The following PCDHGA2 variants were observed in gnomAD, a reference collection of about 807,000 sequenced individuals.
PCDHGA2 encodes the protein protocadherin gamma subfamily A, 2, also known as protocadherin gamma-A2.
Under a neutral mutation model 59.2 loss-of-function variants are expected in PCDHGA2, and 40 were observed. The observed-to-expected ratio is 0.68, with a 90% CI of 0.52 to 0.88. The LOEUF (loss-of-function observed/expected upper bound fraction) is 0.88. Ranked by LOEUF, PCDHGA2 falls within the 40% of genes least tolerant of loss-of-function variation. The pLI, the probability that PCDHGA2 is intolerant of heterozygous loss-of-function variation, is 0.00. For missense variants in PCDHGA2, 1,226 were observed against 1,204.0 expected (o/e 1.02, Z -0.27); for synonymous variants, 560 against 526.0 (o/e 1.06, Z -0.89).
chr5:141,357,279 C>T lies in PCDHGA2; in HGVS notation c.2424+15884C>T, dbSNP rs139727169. 6.8e-6 allele frequency: 11 copies of T among 1,613,878 alleles called. No individual in the cohort carries two copies. The East Asian group carries it at 2.2e-4, about 33-fold the overall frequency. ...ACGACTCGGGCCTCACACTCTATCT[C>T]GTGGTGGCAGTGGCCGCTGTCTCCT... On this transcript the variant is annotated intron_variant, in intron 1 of 3. Coordinates refer to ENST00000394576, the MANE Select transcript of PCDHGA2 (RefSeq NM_018915.4).
chr5:141,430,399 T>C (rs2097282187), intron 1 of PCDHGA2, among the ~76,000 whole-genome samples: 1 of 150,106 alleles, frequency 6.7e-6, no homozygotes, highest in African/African-American at 2.4e-5. Flanking sequence ...AAAAAAAAGC[T>C]CACTAAAGTT....
chr5:141,366,653 T>TACGCAGAC (rs781417459), intron 1 of PCDHGA2: 2 of 1,614,240 alleles, frequency 1.2e-6, no homozygotes, highest in East Asian at 4.5e-5. Context: ...CCAGCCCAAC[T>TACGCAGAC]ACGCAGACAC....
intron 1 of PCDHGA2, chr5:141,388,574 T>C (rs372294800): frequency 6.2e-7 from 1 of 1,613,724 alleles, no homozygotes; most frequent in East Asian, 2.2e-5. Flanking sequence ...AGATACACGT[T>C]CTAGTGACTG....
chr5:141,388,657 G>C (rs769160604), intron 1 of PCDHGA2: 2 of 1,613,878 alleles, frequency 1.2e-6, no homozygotes, highest in African/African-American at 1.3e-5. Flanking sequence ...GTGTACCCGG[G>C]GACCACGGTG....
chr5:141,440,328 T>G (rs1311315077), intron 1 of PCDHGA2: 1 of 152,102 alleles, frequency 6.6e-6, no homozygotes. Context: ...TTACTGGGCA[T>G]GGTGGTGCAG....
chr5:141,409,474 C>T, intron 1 of PCDHGA2: 1 of 1,614,002 alleles, frequency 6.2e-7, no homozygotes, highest in Non-Finnish European at 8.5e-7. Flanking sequence ...CCATCGTAGC[C>T]ACTGACAGGG....
At chr5:141,385,831 G>A (rs1317215192) in intron 1 of PCDHGA2, 1 of 154,298 alleles carries the variant, frequency 6.5e-6, no homozygotes, top group Non-Finnish European at 1.4e-5. Flanking sequence ...CCTATTTACA[G>A]TATAATCATT....
intron 1 of PCDHGA2, chr5:141,427,440 G>C (rs747459662): frequency 4.2e-6 from 2 of 477,366 alleles, no homozygotes; most frequent in African/African-American, 2.0e-5. Flanking sequence ...CCTCATAAAC[G>C]AAAGAGTTCC....
At chr5:141,445,020 C>T (rs2098454249) in intron 1 of PCDHGA2, among the ~76,000 whole-genome samples, 1 of 152,130 alleles carries the variant, frequency 6.6e-6, no homozygotes, top group Non-Finnish European at 1.5e-5. Flanking sequence ...TTTAATTTCT[C>T]TCAGCTATGT....
intron 1 of PCDHGA2, chr5:141,468,330 C>CAAAAAAAAAAAAAAAAGAAAAAAAAAAA (rs2099163578): frequency 1.3e-5 from 1 of 79,888 alleles, no homozygotes; most frequent in African/African-American, 3.9e-5. Flanking sequence ...AACTCCATCT[C>CAAAAAAAAAAAAAAAAGAAAAAAAAAAA]AAAAAAAAAA....
intron 1 of PCDHGA2, among the ~76,000 whole-genome samples, chr5:141,347,165 T>TTCTTTCTTTCTTTCTTTCTTTCTC (rs1757917255): frequency 6.8e-6 from 1 of 147,328 alleles, no homozygotes; most frequent in Admixed American, 6.8e-5. Flanking sequence ...CTTTCTTTCT[T>TTCTTTCTTTCTTTCTTTCTTTCTC]TCTTTCTTTC....
intron 1 of PCDHGA2, chr5:141,350,551 T>A: frequency 1.2e-6 from 2 of 1,614,040 alleles, no homozygotes; most frequent in Non-Finnish European, 1.7e-6. Flanking sequence ...GAAGGAAACT[T>A]GAGTGTGCAC....
At chr5:141,495,379 C>T (rs989240656) in intron 2 of PCDHGA2, among the ~76,000 whole-genome samples, 3 of 152,208 alleles carry the variant, frequency 2.0e-5, no homozygotes, top group Non-Finnish European at 4.4e-5. Context: ...TGAGGAAGGA[C>T]TGGGCGGGGC....
intron 1 of PCDHGA2, among the ~76,000 whole-genome samples, chr5:141,457,424 C>T (rs1261475379): frequency 6.6e-6 from 1 of 152,068 alleles, no homozygotes; most frequent in Non-Finnish European, 1.5e-5. Context: ...TCCCTTTTTC[C>T]CCCCCACCAA....
At chr5:141,482,755 T>TGA (rs1554165462) in intron 1 of PCDHGA2, among the ~76,000 whole-genome samples, 1 of 143,580 alleles carries the variant, frequency 7.0e-6, no homozygotes, top group Admixed American at 6.9e-5. Context: ...GGGATTATGG[T>TGA]ATTTCATTAT....
intron 2 of PCDHGA2, among the ~76,000 whole-genome samples, chr5:141,502,152 C>T (rs1306227782): frequency 2.0e-5 from 3 of 152,128 alleles, no homozygotes; most frequent in African/African-American, 4.8e-5. Flanking sequence ...AAGTAAGGAC[C>T]CCAGATATTC....
At position 141,485,632 on chromosome 5, in the gene PCDHGA2, G is replaced by C; in HGVS notation, c.2425-9175G>C. 6.2e-7 allele frequency: 1 copy of C among 1,611,766 alleles called. No individual in the cohort carries two copies. The highest frequency in any genetic ancestry group is 8.5e-7 in the Non-Finnish European group (1 of 1,178,342). ...CAGCTCCTCCAGGACAGCGTTTCCC[G>C]TTGGAAAAGGCTCAGGATGCAGATG... is the stretch of plus-strand genomic sequence containing the variant. On this transcript the variant is annotated intron_variant, in intron 1 of 3. Coordinates refer to ENST00000394576, the MANE Select transcript of PCDHGA2 (RefSeq NM_018915.4). This position sits in a 1 kb window ranked among gnomAD's most constrained non-coding sequence, Gnocchi z 5.7.
intron 1 of PCDHGA2, chr5:141,441,182 CA>C (rs1434822697): frequency 6.6e-6 from 1 of 152,140 alleles, no homozygotes; most frequent in African/African-American, 2.4e-5. Flanking sequence ...TCTAATTCCA[CA>C]ATGATTCCCA....
rs533830391 is a variant in PCDHGA2, at chr5:141,492,559, C to T, written c.2425-2248C>T. 4.6e-5 allele frequency among the ~76,000 whole-genome samples: 7 copies of T among 152,292 alleles called. No homozygotes were observed. The East Asian group carries it at 1.4e-3, about 29-fold the overall frequency. The stretch of plus-strand genomic sequence containing the variant: ...GGGCTGGGCCGGGTCGCCTGGGGGG[C>T]GGCCTGAGCGAGGCGCGGGGCCAGG... On this transcript the variant is annotated intron_variant, in intron 1 of 3. Coordinates refer to ENST00000394576, the MANE Select transcript of PCDHGA2 (RefSeq NM_018915.4).
Sources: allele counts gnomAD v4.1 joint callset (sites outside exome capture counted in the v4.1 genomes callset), GRCh38; gene constraint gnomAD v4.1.1; non-coding constraint Gnocchi (gnomAD v3.1); transcripts MANE v1.5; gene names NCBI Gene and HGNC (gene_info 2026-07-23, HGNC 2026-07-21).